Variants in CEP295 observed in about 807,000 individuals in gnomAD.
CEP295 encodes centrosomal protein 295.
In CEP295, 190 loss-of-function variants were observed where a neutral mutation model predicts 291.6. The ratio of observed to expected loss-of-function variants is 0.65; its 90% CI spans 0.58 to 0.73. The LOEUF is 0.73. Among genes scored for constraint, CEP295 ranks in the 30% least tolerant of loss-of-function variants. The pLI, the probability that CEP295 is intolerant of heterozygous loss-of-function variation, is 0.00. For missense variants in CEP295, 2,863 were observed against 2,949.4 expected, an observed-to-expected ratio of 0.97 and a Z score of 0.68; for synonymous variants, 993 against 1,038.8, an observed-to-expected ratio of 0.96 and a Z score of 0.85.
chr11:93,681,534 G>A (rs1950965415), intron 7 of CEP295, among the ~76,000 whole-genome samples: 1 of 141,010 alleles, frequency 7.1e-6, no homozygotes, highest in Admixed American at 7.7e-5. Context: ...TCCTGCCTTG[G>A]CCTCCCAAGT....
intron 7 of CEP295, among the ~76,000 whole-genome samples, chr11:93,682,686 G>A (rs1951034399): frequency 6.6e-6 from 1 of 151,796 alleles, no homozygotes; most frequent in African/African-American, 2.4e-5. Context: ...TGTGGCCTGG[G>A]ACCTTATTTC....
At chr11:93,714,961 C>A (rs996135613) in intron 18 of CEP295, among the ~76,000 whole-genome samples, 1 of 152,168 alleles carries the variant, frequency 6.6e-6, no homozygotes, top group Non-Finnish European at 1.5e-5. Flanking sequence ...CAGCACAGTA[C>A]TGGGTCTTGC....
Position 93,727,520 on chromosome 11 carries a change from T to C in CEP295, c.7044T>C (p.Phe2348=), listed in dbSNP as rs1954243419. The part of the protein sequence containing the change: ...YSLTTQNEKY[F]ENSAETDIPK... ...TAACTACTCAAAATGAAAAATATTT[T>C]GAGAATTCAGCTGAAACAGACATTC... The change falls in exon 24 of 30, where the codon TTT becomes TTC. Residue 2348 remains phenylalanine, a synonymous_variant. Transcript: ENST00000325212. 1 of 1,551,756 alleles carries C rather than the reference T, an allele frequency of 6.4e-7. No homozygotes were observed. The highest frequency in any genetic ancestry group is 1.4e-5 in the African/African-American group (1 of 73,168).
intron 10 of CEP295, among the ~76,000 whole-genome samples, chr11:93,690,838 T>C (rs1951505178): frequency 6.6e-6 from 1 of 151,794 alleles, no homozygotes; most frequent in Admixed American, 6.6e-5. Context: ...TGCACACTGA[T>C]CTCTCAGTTT....
intron 7 of CEP295, among the ~76,000 whole-genome samples, chr11:93,681,766 GGAACTCCT>G (rs998088284): frequency 6.6e-6 from 1 of 151,796 alleles, no homozygotes; most frequent in African/African-American, 2.4e-5. Context: ...TGGCCAGGCT[GGAACTCCT>G]GACCTCAAAC....
At chr11:93,679,285 T>C in intron 6 of CEP295, 127 bp from the exon 7 acceptor site, 1 of 800,856 alleles carries the variant, frequency 1.2e-6, no homozygotes, top group Non-Finnish European at 1.9e-6. Context: ...ATTGTGGACA[T>C]TTTAAAATAT....
chr11:93,675,230 A>G (rs1026664034), intron 5 of CEP295, among the ~76,000 whole-genome samples: 1 of 152,200 alleles, frequency 6.6e-6, no homozygotes, highest in Admixed American at 6.5e-5. Flanking sequence ...TTATAAATAT[A>G]ATGAAGTGCT....
chr11:93,675,787 ATAATC>A (rs1565436266), intron 6 of CEP295, 121 bp downstream of exon 6: 2 of 447,658 alleles, frequency 4.5e-6, no homozygotes, highest in East Asian at 4.2e-5. Context: ...ATTGATAATA[ATAATC>A]AAAACCTTTT....
chr11:93,692,295 T>C (rs1349660892), intron 12 of CEP295, among the ~76,000 whole-genome samples: 1 of 152,174 alleles, frequency 6.6e-6, no homozygotes, highest in Non-Finnish European at 1.5e-5. Flanking sequence ...GCAGAGACTA[T>C]CTTCTTTAAA....
intron 10 of CEP295, among the ~76,000 whole-genome samples, chr11:93,690,023 G>C (rs555275927): frequency 6.6e-6 from 1 of 152,284 alleles, no homozygotes; most frequent in Non-Finnish European, 1.5e-5. Context: ...AGATAGCAAA[G>C]TCAGTAAAAG....
intron 5 of CEP295, among the ~76,000 whole-genome samples, chr11:93,672,167 A>G (rs753203131): frequency 1.8e-4 from 27 of 152,208 alleles, no homozygotes; most frequent in Admixed American, 9.8e-4. Context: ...GTCTATTTCT[A>G]TAAAGCTCAT....
rs1952020060 is a variant in CEP295, at chr11:93,699,458, A to G, written c.4546A>G (p.Lys1516Glu). The part of the protein sequence containing the change: ...QALQQQLDTQ[K>E]KAIRSIQEVQ... ...ACTTCAACAGCAGTTAGATACACAG[A>G]AGAAAGCCATTCGATCTATACAGGA... The change falls in exon 15 of 30, where the codon AAG (lysine) becomes GAG (glutamate). Residue 1516 changes from lysine (K) to glutamate (E), a missense_variant. Physicochemically the swap from Lys to Glu is moderately conservative, Grantham distance 56. Transcript: ENST00000325212. The G allele has an allele frequency of 8.4e-6, 13 of 1,551,762 alleles. No homozygotes were observed. Among genetic ancestry groups the G allele is most frequent in the Non-Finnish European group, 1.0e-5 (12 of 1,147,004 alleles).
At chr11:93,713,856 C>CT (rs779132109) in intron 18 of CEP295, among the ~76,000 whole-genome samples, 24 of 152,068 alleles carry the variant, frequency 1.6e-4, no homozygotes, top group Non-Finnish European at 2.9e-4. Flanking sequence ...TTTTAATTCT[C>CT]TTATCTTTTG....
At chr11:93,724,096 A>C (rs529188829) in intron 21 of CEP295, 158 bp from the exon 22 acceptor site, 2 of 633,782 alleles carry the variant, frequency 3.2e-6, no homozygotes, top group African/African-American at 3.7e-5. Flanking sequence ...GCATCTGCTG[A>C]TCATGGGGGA....
At position 93,683,740 on chromosome 11, in the gene CEP295, G is replaced by C. The variant is rs1951086510; in HGVS notation, c.947G>C (p.Arg316Thr). The change falls in exon 8 of 30, where the codon AGG (arginine) becomes ACG (threonine). Residue 316 changes from arginine (R) to threonine (T), a missense_variant and splice_region_variant. Physicochemically the swap from Arg to Thr is moderately conservative, Grantham distance 71. Coordinates refer to ENST00000325212, the MANE Select transcript of CEP295 (RefSeq NM_033395.2). Reference sequence around the variant, plus strand: ...TTTGAAGATATGTACAATGCAGACAGGAGTAAGATATTTTCAGTAGGGCTT... The same window carrying C: ...TTTGAAGATATGTACAATGCAGACACGAGTAAGATATTTTCAGTAGGGCTT... The part of the protein sequence containing the change: ...FAFEDMYNAD[R>T]KVKGNLILHL... The C allele has an allele frequency of 6.5e-7, 1 of 1,529,650 alleles. No homozygotes were observed. The highest frequency in any genetic ancestry group is 8.8e-7 in the Non-Finnish European group (1 of 1,141,696). 94.8% of individuals were successfully genotyped at this position (1,529,650 alleles called of 1,614,324 possible). A position where few individuals can be genotyped will look rare whatever the true frequency, so the allele number is the denominator to read the frequency against.
intron 18 of CEP295, among the ~76,000 whole-genome samples, chr11:93,710,762 G>A (rs1952839780): frequency 6.6e-6 from 1 of 152,122 alleles, no homozygotes; most frequent in East Asian, 1.9e-4. Context: ...TTTGCTGGGA[G>A]ACTTTTTATT....
rs1954090490 is a variant in CEP295, at chr11:93,725,767, A to G, written c.6435A>G (p.Gln2145=). 6.4e-7 allele frequency: 1 copy of G among 1,551,770 alleles called. No homozygotes were observed. The highest frequency in any genetic ancestry group is 8.7e-7 in the Non-Finnish European group (1 of 1,147,006). ...MHSSLNTSPN[Q]QPDTNLAHVG... ...CTTCTCTTAACACAAGTCCGAATCA[A>G]CAACCTGACACTAACTTGGCTCATG... The change falls in exon 23 of 30, where the codon CAA becomes CAG. Residue 2145 remains glutamine (Q), a synonymous_variant. Coordinates refer to ENST00000325212, the MANE Select transcript of CEP295 (RefSeq NM_033395.2).
intron 5 of CEP295, among the ~76,000 whole-genome samples, chr11:93,674,114 T>C (rs964279788): frequency 3.9e-5 from 6 of 151,922 alleles, no homozygotes; most frequent in East Asian, 1.9e-4. Context: ...AGGTGTGTGC[T>C]ACCATGCCCA....
intron 17 of CEP295, 91 bp downstream of exon 17, chr11:93,703,010 C>G (rs1017731322): frequency 6.6e-6 from 7 of 1,064,308 alleles, no homozygotes; most frequent in Non-Finnish European, 8.0e-6. Flanking sequence ...GTTGCCCAGG[C>G]TGGAATGCAA....
Sources: gnomAD v4.1 joint callset for allele counts (sites outside exome capture counted in the v4.1 genomes callset) on GRCh38, gnomAD v4.1.1 for gene constraint, MANE v1.5 for transcripts, NCBI Gene and HGNC (gene_info 2026-07-23, HGNC 2026-07-21) for gene names.